Variants in EFHD1 observed in about 807,000 individuals in gnomAD.
The protein encoded by EFHD1 is EF-hand domain family member D1.
Under a neutral mutation model 17.2 loss-of-function variants are expected in EFHD1, and 10 were observed. The observed-to-expected ratio is 0.58, with a 90% CI of 0.36 to 0.99. The LOEUF is 0.99. Among genes scored for constraint, EFHD1 ranks in the 50% least tolerant of loss-of-function variants. The pLI is 0.01. For synonymous variants in EFHD1, 153 were observed against 142.0 expected (o/e 1.08, Z -0.55); for missense variants, 310 against 327.5 (o/e 0.95, Z 0.41).
intron 1 of EFHD1, chr2:232,606,458 C>G (rs1035787010): frequency 3.6e-6 from 2 of 557,928 alleles, no homozygotes; most frequent in Non-Finnish European, 6.5e-6. Context: ...CCATCGTCCT[C>G]CCCTGGAATG....
chr2:232,680,416 A>G (rs577833598), intron 3 of EFHD1, among the ~76,000 whole-genome samples: 8 of 152,224 alleles, frequency 5.3e-5, no homozygotes, highest in Non-Finnish European at 1.2e-4. Flanking sequence ...TAAAATACTC[A>G]GATGGCACCA....
intron 1 of EFHD1, among the ~76,000 whole-genome samples, chr2:232,659,343 T>C (rs934611463): frequency 5.4e-5 from 8 of 148,210 alleles, no homozygotes; most frequent in Non-Finnish European, 1.2e-4. Context: ...CAGAGGAAGG[T>C]GGTGAATGCT....
At chr2:232,628,079 G>A (rs2106190075) in intron 1 of EFHD1, among the ~76,000 whole-genome samples, 1 of 152,200 alleles carries the variant, frequency 6.6e-6, no homozygotes, top group South Asian at 2.1e-4. Flanking sequence ...TTATTTATTT[G>A]AGATGGAGTC....
intron 2 of EFHD1, among the ~76,000 whole-genome samples, chr2:232,669,528 G>C (rs1695029903): frequency 6.6e-6 from 1 of 151,830 alleles, no homozygotes; most frequent in South Asian, 2.1e-4. Flanking sequence ...CTCAAGTGAG[G>C]ATTTGGAAGG....
At chr2:232,673,026 G>A (rs921545566) in intron 3 of EFHD1, among the ~76,000 whole-genome samples, 2 of 152,186 alleles carry the variant, frequency 1.3e-5, no homozygotes, top group Non-Finnish European at 2.9e-5. Context: ...GGCACCATGT[G>A]TCCAATAATG....
At chr2:232,614,109 T>C (rs1443858772) in intron 1 of EFHD1, among the ~76,000 whole-genome samples, 2 of 151,316 alleles carry the variant, frequency 1.3e-5, no homozygotes, top group Admixed American at 6.6e-5. Context: ...ACATGTATTA[T>C]ACACACATGC....
At chr2:232,638,159 G>A (rs907220927) in intron 1 of EFHD1, 6 of 337,574 alleles carry the variant, frequency 1.8e-5, no homozygotes, top group South Asian at 5.1e-5. Context: ...GCGTGTATCC[G>A]TGGCTGTAAC....
chr2:232,663,154 C>A (rs1385340209), intron 2 of EFHD1, among the ~76,000 whole-genome samples: 2 of 152,112 alleles, frequency 1.3e-5, no homozygotes, highest in African/African-American at 4.8e-5. Context: ...AGTAGTATAA[C>A]CTCATTTGAG....
chr2:232,612,321 A>G (rs374749846), intron 1 of EFHD1, among the ~76,000 whole-genome samples: 1 of 152,194 alleles, frequency 6.6e-6, no homozygotes, highest in East Asian at 1.9e-4. Context: ...CTGGGAGAAA[A>G]TATTTTAAAA....
At chr2:232,681,463 C>T in intron 3 of EFHD1, 122 bp from the exon 4 acceptor site, 1 of 1,417,460 alleles carries the variant, frequency 7.1e-7, no homozygotes, top group Non-Finnish European at 9.5e-7. Flanking sequence ...GTCCTGCCCT[C>T]CGTGGGCCCA....
At chr2:232,613,659 A>AC (rs1693851341) in intron 1 of EFHD1, among the ~76,000 whole-genome samples, 1 of 118,726 alleles carries the variant, frequency 8.4e-6, no homozygotes, top group African/African-American at 3.9e-5. Context: ...CACACACACA[A>AC]ATACACACAC....
At chr2:232,674,173 C>T (rs959033376) in intron 3 of EFHD1, among the ~76,000 whole-genome samples, 1 of 152,214 alleles carries the variant, frequency 6.6e-6, no homozygotes, top group Non-Finnish European at 1.5e-5. Flanking sequence ...TCCCAAAATG[C>T]TGGGATAACA....
intron 1 of EFHD1, among the ~76,000 whole-genome samples, chr2:232,608,704 G>T (rs1425390243): frequency 6.6e-6 from 1 of 152,062 alleles, no homozygotes; most frequent in Admixed American, 6.6e-5. Flanking sequence ...GCGGAGGCGG[G>T]CGGAAAATGA....
At chr2:232,660,776 G>A (rs1412477337) in intron 1 of EFHD1, among the ~76,000 whole-genome samples, 2 of 152,096 alleles carry the variant, frequency 1.3e-5, no homozygotes, top group African/African-American at 2.4e-5. Flanking sequence ...TCAGGTGTTC[G>A]AGACCAGCCT....
chr2:232,640,470 A>C (rs1441943863), intron 1 of EFHD1, among the ~76,000 whole-genome samples: 1 of 152,084 alleles, frequency 6.6e-6, no homozygotes, highest in Non-Finnish European at 1.5e-5. Context: ...GATGATGATG[A>C]CGATGATCAC....
intron 1 of EFHD1, among the ~76,000 whole-genome samples, chr2:232,649,455 G>A (rs1249261104): frequency 6.6e-6 from 1 of 152,174 alleles, no homozygotes; most frequent in African/African-American, 2.4e-5. Context: ...ATGGCTTTGT[G>A]GAGCGGTAGC....
intron 1 of EFHD1, among the ~76,000 whole-genome samples, chr2:232,619,573 A>C (rs1693985741): frequency 6.6e-6 from 1 of 152,100 alleles, no homozygotes; most frequent in Admixed American, 6.6e-5. Context: ...AGCCTCCCAA[A>C]GGCTGGAATT....
chr2:232,675,187 AAGAG>A (rs112446492), intron 3 of EFHD1, among the ~76,000 whole-genome samples: 2 of 146,878 alleles, frequency 1.4e-5, no homozygotes, highest in Non-Finnish European at 3.0e-5. Flanking sequence ...AAAGAAAAAA[AAGAG>A]AGAGAGAAAA....
intron 1 of EFHD1, chr2:232,638,634 G>A (rs887316929): frequency 6.1e-6 from 2 of 327,818 alleles, no homozygotes; most frequent in African/African-American, 2.2e-5. Context: ...AGCCCTCTTA[G>A]GGAGGCTTAC....
Sources: allele counts gnomAD v4.1 joint callset (sites outside exome capture counted in the v4.1 genomes callset), GRCh38; gene constraint gnomAD v4.1.1; transcripts MANE v1.5; gene names NCBI Gene and HGNC (gene_info 2026-07-23, HGNC 2026-07-21).